H6PD: variants seen among roughly 807,000 people sequenced by gnomAD.
H6PD encodes hexose-6-phosphate dehydrogenase/glucose 1-dehydrogenase, also known as GDH/6PGL endoplasmic bifunctional protein.
A neutral mutation model predicts 61.2 loss-of-function variants in H6PD; 48 were observed. The ratio of observed to expected loss-of-function variants is 0.78; its 90% CI spans 0.62 to 1.00. The LOEUF (loss-of-function observed/expected upper bound fraction) is 1.00, where lower values mean the gene tolerates loss of function less well. Among genes scored for constraint, H6PD ranks in the 50% least tolerant of loss-of-function variants. H6PD has a pLI of 0.00. For missense variants in H6PD, 1,093 were observed against 1,065.0 expected (o/e 1.03, Z -0.37); for synonymous variants, 480 against 457.9 (o/e 1.05, Z -0.62).
chr1:9,262,896 C>G (rs893795018), intron 4 of H6PD, among the ~76,000 whole-genome samples: 7 of 152,308 alleles, frequency 4.6e-5, no homozygotes, highest in Admixed American at 3.9e-4. Context: ...GGCCATTAGC[C>G]CCGTTTTACA....
rs759674193 is a variant in H6PD at position 9,266,956 on chromosome 1, G to A, written c.*2087G>A. The A allele has an allele frequency of 1.3e-5, 2 of 152,178 alleles. No homozygotes were observed. The highest frequency in any genetic ancestry group is 2.4e-5 in the African/African-American group (1 of 41,424). 9.4% of individuals were successfully genotyped at this position (152,178 alleles called of 1,614,324 possible). A position where few individuals can be genotyped will look rare whatever the true frequency, so the allele number is the denominator to read the frequency against. ...GTGCCTAAGCCTCCCGAGTAGCTGC[G>A]ACTACAGGCGCCGGCCAGCATGCCT... is the stretch of plus-strand genomic sequence containing the variant. On this transcript the variant is annotated 3_prime_UTR_variant, in exon 5 of 5. Coordinates refer to ENST00000377403, the MANE Select transcript of H6PD (RefSeq NM_004285.4).
chr1:9,235,755 C>T (rs1640833180), intron 1 of H6PD, among the ~76,000 whole-genome samples: 1 of 152,050 alleles, frequency 6.6e-6, no homozygotes, highest in Non-Finnish European at 1.5e-5. Context: ...GGACCACAGG[C>T]GCACACCACC....
intron 3 of H6PD, among the ~76,000 whole-genome samples, chr1:9,258,653 G>A (rs913968691): frequency 6.8e-6 from 1 of 146,256 alleles, no homozygotes; most frequent in Non-Finnish European, 1.5e-5. Context: ...GTGTTATGCC[G>A]GTGTTGTTTT....
At chr1:9,260,643 CTGT>C (rs1443519886) in intron 3 of H6PD, among the ~76,000 whole-genome samples, 1 of 151,740 alleles carries the variant, frequency 6.6e-6, no homozygotes, top group Non-Finnish European at 1.5e-5. Context: ...TGTTATGTTG[CTGT>C]TGTTACATTG....
chr1:9,235,917 A>G lies in H6PD; in HGVS notation c.-11+851A>G, dbSNP rs142219514. Among the ~76,000 whole-genome samples, 274 of 152,314 alleles carry G rather than the reference A, an allele frequency of 1.8e-3. 2 individuals are homozygous for G. The highest frequency in any genetic ancestry group is 6.4e-3 in the African/African-American group (264 of 41,568). On this transcript the variant is annotated intron_variant, in intron 1 of 4. Coordinates refer to ENST00000377403, the MANE Select transcript of H6PD (RefSeq NM_004285.4). Reference sequence around the variant, plus strand: ...GTGAAGCACCACGCCCAGACAGCGTATTTTAAATTATGCATCATATCCCTT... The same window carrying G: ...GTGAAGCACCACGCCCAGACAGCGTGTTTTAAATTATGCATCATATCCCTT...
chr1:9,253,207 G>A (rs892791950), intron 3 of H6PD, among the ~76,000 whole-genome samples: 5 of 152,138 alleles, frequency 3.3e-5, no homozygotes, highest in African/African-American at 9.7e-5. Context: ...TCTACAGGCC[G>A]TGTTAAACAC....
chr1:9,247,476 T>A (rs898776615), intron 3 of H6PD, among the ~76,000 whole-genome samples: 2 of 151,498 alleles, frequency 1.3e-5, no homozygotes, highest in Non-Finnish European at 2.9e-5. Flanking sequence ...CGCGTCCCCC[T>A]CACCTTCTGA....
At chr1:9,261,704 C>T (rs113063195) in intron 3 of H6PD, among the ~76,000 whole-genome samples, 2 of 152,348 alleles carry the variant, frequency 1.3e-5, no homozygotes, top group African/African-American at 4.8e-5. Context: ...CCCACAGTGC[C>T]GAGCCTCCTA....
In H6PD at chr1:9,264,464, C is replaced by G; in HGVS notation, c.1971C>G (p.His657Gln). 3.7e-6 allele frequency: 6 copies of G among 1,613,312 alleles called. No individual in the cohort carries two copies. Among genetic ancestry groups the G allele is most frequent in the South Asian group, 1.1e-5 (1 of 91,084 alleles). The change falls in exon 5 of 5, where the codon CAC becomes CAG. Residue 657 changes from histidine to glutamine, a missense_variant. Physicochemically the swap from His to Gln is conservative, Grantham distance 24. Transcript: ENST00000377403. ...PYYNIHPMPVHLQQRLCAEED... is the reference protein window; with the variant it reads ...PYYNIHPMPVQLQQRLCAEED... ...ACAACATCCACCCCATGCCTGTGCA[C>G]CTGCAGCAGCGGCTCTGCGCCGAGG...
At chr1:9,235,856 C>T (rs894308350) in intron 1 of H6PD, among the ~76,000 whole-genome samples, 10 of 152,236 alleles carry the variant, frequency 6.6e-5, no homozygotes, top group African/African-American at 2.4e-4. Context: ...AAGCGATCCT[C>T]CTGCTTAAGC....
chr1:9,236,720 G>T (rs1368177616), intron 1 of H6PD, among the ~76,000 whole-genome samples: 2 of 150,212 alleles, frequency 1.3e-5, no homozygotes, highest in Non-Finnish European at 2.9e-5. Flanking sequence ...CTTACTGTAT[G>T]CCAGGCATTG....
chr1:9,264,477 C>T lies in H6PD; in HGVS notation c.1984C>T (p.Leu662Phe). The T allele has an allele frequency of 6.2e-7, 1 of 1,613,306 alleles. No homozygotes were observed. Among genetic ancestry groups the T allele is most frequent in the South Asian group, 1.1e-5 (1 of 91,076 alleles). The change falls in exon 5 of 5, where the codon CTC (leucine) becomes TTC (phenylalanine). Residue 662 changes from leucine (L) to phenylalanine (F), a missense_variant. By Grantham distance (22) the Leu-to-Phe change is conservative (BLOSUM62 0). Coordinates refer to ENST00000377403, the MANE Select transcript of H6PD (RefSeq NM_004285.4). ...CATGCCTGTGCACCTGCAGCAGCGG[C>T]TCTGCGCCGAGGAGGACCAGGGCGC... ...HPMPVHLQQR[L>F]CAEEDQGAQI...
At chr1:9,239,374 A>G (rs1640933207) in intron 1 of H6PD, among the ~76,000 whole-genome samples, 1 of 152,146 alleles carries the variant, frequency 6.6e-6, no homozygotes, top group African/African-American at 2.4e-5. Flanking sequence ...AGAGAGGAAC[A>G]AGGACCCCAG....
chr1:9,265,180 C>T lies in H6PD; in HGVS notation c.*311C>T, dbSNP rs543506556. 3.2e-5 allele frequency: 15 copies of T among 462,164 alleles called. No individual in the cohort carries two copies. The East Asian group carries it at 4.2e-4, about 13-fold the overall frequency. 28.6% of individuals were successfully genotyped at this position (462,164 alleles called of 1,614,324 possible). On this transcript the variant is annotated 3_prime_UTR_variant, in exon 5 of 5. Transcript: ENST00000377403. ...CACATTCATATCAACCAGCACAACA[C>T]GGGATGGCGCCCAAACTCCGGCGTT...
rs1475359326 is a variant in H6PD at position 9,269,579 on chromosome 1, C to T, written c.*4710C>T. The T allele has an allele frequency of 3.9e-5, 6 of 152,248 alleles. No individual in the cohort carries two copies. The highest frequency in any genetic ancestry group is 7.2e-5 in the African/African-American group (3 of 41,452). 9.4% of individuals were successfully genotyped at this position (152,248 alleles called of 1,614,324 possible). ...TCCACTGACCAGCAAGTGTGAGTCC[C>T]GGTGTCAGTCGGCACAGTCCAGTGT... On this transcript the variant is annotated 3_prime_UTR_variant, in exon 5 of 5. Transcript: ENST00000377403. This position sits in a 1 kb window ranked among gnomAD's most constrained non-coding sequence, Gnocchi z 4.3.
In H6PD at chr1:9,264,109, TG is replaced by T. The variant is rs756861418; in HGVS notation, c.1617del (p.Met539IlefsTer25). On this transcript the variant is annotated frameshift_variant, in exon 5 of 5. Transcript: ENST00000377403. LOFTEE classifies it high-confidence loss of function. ...GTGCCAGGGCCAGGGCCGGCCCCAA[TG>T]CCCAGTGACTTCCAGGTCCTCAGGG... ...QLVPGPGPAP[M>X]PSDFQVLRAK... is the part of the protein sequence containing the mutation. 1 of 1,613,852 alleles carries T rather than the reference TG, an allele frequency of 6.2e-7. No individual in the cohort carries two copies. The highest frequency in any genetic ancestry group is 1.1e-5 in the South Asian group (1 of 91,070).
chr1:9,247,947 C>T (rs1376506262), intron 3 of H6PD, among the ~76,000 whole-genome samples: 1 of 152,222 alleles, frequency 6.6e-6, no homozygotes, highest in Non-Finnish European at 1.5e-5. Flanking sequence ...TGTCCCCAGT[C>T]CCCAGCCGCC....
intron 1 of H6PD, among the ~76,000 whole-genome samples, chr1:9,236,203 C>G (rs981357109): frequency 1.3e-5 from 2 of 152,124 alleles, no homozygotes; most frequent in Non-Finnish European, 2.9e-5. Flanking sequence ...GTTATCCAGG[C>G]TTGTCTTGAA....
At chr1:9,241,388 G>GATTT (rs1446576044) in intron 1 of H6PD, among the ~76,000 whole-genome samples, 1 of 151,494 alleles carries the variant, frequency 6.6e-6, no homozygotes, top group Admixed American at 6.6e-5. Context: ...TTAATTAGCT[G>GATTT]ATTTATTTAT....
Sources: gnomAD v4.1 joint callset for allele counts (sites outside exome capture counted in the v4.1 genomes callset) on GRCh38, gnomAD v4.1.1 for gene constraint, Gnocchi (gnomAD v3.1) non-coding constraint, MANE v1.5 for transcripts, NCBI Gene and HGNC (gene_info 2026-07-23, HGNC 2026-07-21) for gene names.